CLDN15: variants seen among roughly 807,000 people sequenced by gnomAD.
CLDN15 encodes the protein claudin-15.
A neutral mutation model predicts 24.5 loss-of-function variants in CLDN15; 9 were observed. The observed-to-expected ratio is 0.37, with a 90% confidence interval of 0.22 to 0.64. The LOEUF is 0.64. Ranked by LOEUF, CLDN15 falls within the 30% of genes least tolerant of loss-of-function variation. The pLI, the probability that CLDN15 is intolerant of heterozygous loss-of-function variation, is 0.63. For synonymous variants in CLDN15, 149 were observed against 131.4 expected, an observed-to-expected ratio of 1.13 and a Z score of -0.92; for missense variants, 248 against 305.9, an observed-to-expected ratio of 0.81 and a Z score of 1.41.
In CLDN15 at chr7:101,237,025, CA is replaced by C; in HGVS notation, c.217+339del. On this transcript the variant is annotated intron_variant, in intron 1 of 4. Transcript: ENST00000308344. This position sits in a 1 kb window ranked among gnomAD's most constrained non-coding sequence, Gnocchi z 4.0. ...ATCACGCTAACATTCTGCACTTTCTCAGTCACCTGTGAACTGGGACTCTCAC... is the reference window on the plus strand; with the variant it reads ...ATCACGCTAACATTCTGCACTTTCTCGTCACCTGTGAACTGGGACTCTCAC... 2.4e-6 allele frequency: 1 copy of C among 414,554 alleles called. No homozygotes were observed. Among genetic ancestry groups the C allele is most frequent in the Non-Finnish European group, 4.7e-6 (1 of 213,608 alleles). 25.7% of individuals were successfully genotyped at this position (414,554 alleles called of 1,614,324 possible).
intron 2 of CLDN15, chr7:101,233,919 C>T: frequency 2.5e-6 from 1 of 397,868 alleles, no homozygotes. Context: ...CCACCATGCC[C>T]CGTGGTATGG....
chr7:101,232,693 C>T lies in CLDN15; in HGVS notation c.492G>A (p.Leu164=). ...TKYELGPALY[L]GWSASLISIL... ...TGGAGATCAGTGAGGCGCTCCACCCCAGGTAGAGGGCGGGGCCCAGCTCGT... is the reference window on the plus strand; with the variant it reads ...TGGAGATCAGTGAGGCGCTCCACCCTAGGTAGAGGGCGGGGCCCAGCTCGT... Residue 164 remains leucine (L), a synonymous_variant, in exon 4 of 5, where the codon CTG becomes CTA. Transcript: ENST00000308344. 6.3e-7 allele frequency: 1 copy of T among 1,594,372 alleles called. No homozygotes were observed. The highest frequency in any genetic ancestry group is 8.5e-7 in the Non-Finnish European group (1 of 1,171,036).
upstream of CLDN15, chr7:101,237,989 G>T (rs1222318343): frequency 1.1e-5 from 3 of 276,544 alleles, no homozygotes; most frequent in Non-Finnish European, 2.2e-5. This position sits in a 1 kb window ranked among gnomAD's most constrained non-coding sequence, Gnocchi z 4.0. Context: ...GGGAGGCACT[G>T]GGAACTGAGG....
chr7:101,233,927 T>C (rs187449741), intron 2 of CLDN15: 1 of 426,306 alleles, frequency 2.3e-6, no homozygotes, highest in African/African-American at 2.0e-5. Flanking sequence ...CCCCGTGGTA[T>C]GGCACTGTGG....
intron 1 of CLDN15, 151 bp from the exon 2 acceptor site, chr7:101,234,593 A>G (rs970887206): frequency 4.6e-5 from 28 of 605,222 alleles, no homozygotes; most frequent in Admixed American, 1.1e-4. Flanking sequence ...CGCCCGGCTA[A>G]TTTTTCTGTT....
chr7:101,237,621 G>C lies in CLDN15; in HGVS notation c.-40C>G. 1.3e-6 allele frequency: 2 copies of C among 1,481,760 alleles called. No homozygotes were observed. Among genetic ancestry groups the C allele is most frequent in the South Asian group, 1.1e-5 (1 of 87,902 alleles). 91.8% of individuals were successfully genotyped at this position (1,481,760 alleles called of 1,614,324 possible). A position where few individuals can be genotyped will look rare whatever the true frequency, so the allele number is the denominator to read the frequency against. ...CCCTGGGGGGCTGGTGCCCCAGAGA[G>C]GGGGAGGGGCAGAACCCCTAGGGAA... is the stretch of plus-strand genomic sequence containing the variant. On this transcript the variant is annotated 5_prime_UTR_variant, in exon 1 of 5. Coordinates refer to ENST00000308344, the MANE Select transcript of CLDN15 (RefSeq NM_014343.3). This position sits in a 1 kb window ranked among gnomAD's most constrained non-coding sequence, Gnocchi z 4.0.
Position 101,232,343 on chromosome 7 carries a change from T to C in CLDN15, c.*67A>G. ...GGCCCCTGAGGTTACTATAGGGGAA[T>C]GGGCCCCGGCCAGGTCCCCTCTCCT... On this transcript the variant is annotated 3_prime_UTR_variant, in exon 5 of 5. Coordinates refer to ENST00000308344, the MANE Select transcript of CLDN15 (RefSeq NM_014343.3). The C allele has an allele frequency of 2.5e-6, 3 of 1,183,852 alleles. No individual in the cohort carries two copies. Among genetic ancestry groups the C allele is most frequent in the Non-Finnish European group, 3.7e-6 (3 of 813,078 alleles). 73.3% of individuals were successfully genotyped at this position (1,183,852 alleles called of 1,614,324 possible). A position where few individuals can be genotyped will look rare whatever the true frequency, so the allele number is the denominator to read the frequency against.
rs1467010937 is a variant in CLDN15 at position 101,234,321 on chromosome 7, T to C, written c.339A>G (p.Lys113=). 3.7e-6 allele frequency: 6 copies of C among 1,611,022 alleles called. No individual in the cohort carries two copies. Among genetic ancestry groups the C allele is most frequent in the South Asian group, 1.1e-5 (1 of 91,078 alleles). Residue 113 remains lysine (K), a synonymous_variant, in exon 2 of 5, where the codon AAA becomes AAG. Coordinates refer to ENST00000308344, the MANE Select transcript of CLDN15 (RefSeq NM_014343.3). ...CCCCTGCGGTGGCCGCCAGCTTGGC[T>C]TTCCTGGAGAGCTCCAGGCCCCCAA... The part of the protein sequence containing the change: ...TNIGGLELSR[K]AKLAATAGAL...
In CLDN15 at chr7:101,237,058, C is replaced by T. The variant is rs959757562; in HGVS notation, c.217+307G>A. On this transcript the variant is annotated intron_variant, in intron 1 of 4. Coordinates refer to ENST00000308344, the MANE Select transcript of CLDN15 (RefSeq NM_014343.3). This position sits in a 1 kb window ranked among gnomAD's most constrained non-coding sequence, Gnocchi z 4.0. ...TGTGAACTGGGACTCTCACCCTAAC[C>T]CTACAGGTGGGAGATGAAGCTGGTT... 6.6e-6 allele frequency among the ~76,000 whole-genome samples: 1 copy of T among 152,190 alleles called. No individual in the cohort carries two copies. The highest frequency in any genetic ancestry group is 2.1e-4 in the South Asian group (1 of 4,834).
chr7:101,232,645 G>A lies in CLDN15; in HGVS notation c.540C>T (p.Cys180=). Residue 180 remains cysteine (C), a synonymous_variant, in exon 4 of 5, where the codon TGC becomes TGT. Coordinates refer to ENST00000308344, the MANE Select transcript of CLDN15 (RefSeq NM_014343.3). The part of the protein sequence containing the change: ...LISILGGLCL[C]SACCCGSDED... ...CGTCAGAGCCGCAGCAGCAGGCGGA[G>A]CAGAGGCAGAGGCCACCCAGGATGG... The A allele has an allele frequency of 6.3e-7, 1 of 1,585,470 alleles. No homozygotes were observed. The highest frequency in any genetic ancestry group is 8.6e-7 in the Non-Finnish European group (1 of 1,166,126).
Position 101,237,738 on chromosome 7 carries a change from C to A in CLDN15, c.-157G>T. 1 of 638,620 alleles carries A rather than the reference C, an allele frequency of 1.6e-6. No homozygotes were observed. The highest frequency in any genetic ancestry group is 2.8e-6 in the Non-Finnish European group (1 of 354,952). The allele number at this position is 638,620 out of a possible 1,614,324, so 39.6% of individuals were successfully genotyped here. On this transcript the variant is annotated 5_prime_UTR_variant, in exon 1 of 5. Transcript: ENST00000308344. The surrounding 1 kb of genome is among the most constrained non-coding windows in gnomAD (Gnocchi z 4.0). ...CCTGCCTCTTCCTCGGGCTCAGGTC[C>A]GTCTCCACTTTCTGCCTCCCTCCTG...
chr7:101,234,425 G>T lies in CLDN15; in HGVS notation c.235C>A (p.Arg79=). The part of the protein sequence containing the change: ...LALSGYIQAC[R]ALMITAILLG... ...AGGATGGCGGTGATCATGAGTGCCC[G>T]GCAGGCCTGAATATACCCTGGGGGT... is the stretch of plus-strand genomic sequence containing the variant. Residue 79 remains arginine (R), a synonymous_variant, in exon 2 of 5, where the codon CGG becomes AGG. Transcript: ENST00000308344. 1 of 1,612,622 alleles carries T rather than the reference G, an allele frequency of 6.2e-7. No homozygotes were observed. The highest frequency in any genetic ancestry group is 8.5e-7 in the Non-Finnish European group (1 of 1,179,034).
chr7:101,238,552 C>G (rs186859831), upstream of CLDN15: 3 of 152,272 alleles, frequency 2.0e-5, no homozygotes, highest in Non-Finnish European at 2.9e-5. Flanking sequence ...GCCCCCCACA[C>G]ATAACCAGCG....
chr7:101,237,762 T>C lies in CLDN15; in HGVS notation c.-181A>G. The stretch of plus-strand genomic sequence containing the variant: ...CCGTCTCCACTTTCTGCCTCCCTCC[T>C]GCTCTGTGGGTCTCTCTGCTTCCTG... On this transcript the variant is annotated 5_prime_UTR_variant, in exon 1 of 5. Transcript: ENST00000308344. This position sits in a 1 kb window ranked among gnomAD's most constrained non-coding sequence, Gnocchi z 4.0. The C allele has an allele frequency of 1.6e-6, 1 of 617,692 alleles. No individual in the cohort carries two copies. The highest frequency in any genetic ancestry group is 2.7e-5 in the East Asian group (1 of 36,434). 38.3% of individuals were successfully genotyped at this position (617,692 alleles called of 1,614,324 possible). A position where few individuals can be genotyped will look rare whatever the true frequency, so the allele number is the denominator to read the frequency against.
Position 101,232,334 on chromosome 7 carries a change from A to AT in CLDN15, c.*75dup. 2.8e-6 allele frequency: 3 copies of AT among 1,065,250 alleles called. 1 individual carries two copies. The highest frequency in any genetic ancestry group is 4.2e-6 in the Non-Finnish European group (3 of 712,548). 66.0% of individuals were successfully genotyped at this position (1,065,250 alleles called of 1,614,324 possible). A position where few individuals can be genotyped will look rare whatever the true frequency, so the allele number is the denominator to read the frequency against. On this transcript the variant is annotated 3_prime_UTR_variant, in exon 5 of 5. Coordinates refer to ENST00000308344, the MANE Select transcript of CLDN15 (RefSeq NM_014343.3). ...GGCGTGGCCGGCCCCTGAGGTTACT[A>AT]TAGGGGAATGGGCCCCGGCCAGGTC...
chr7:101,238,816 T>TGCAGAGCACCTGTC (rs1480022929), upstream of CLDN15: 1 of 152,292 alleles, frequency 6.6e-6, no homozygotes, highest in African/African-American at 2.4e-5. Flanking sequence ...CCCGAGCCAG[T>TGCAGAGCACCTGTC]GCAGAGCACC....
chr7:101,236,599 G>C, intron 1 of CLDN15: 2 of 509,802 alleles, frequency 3.9e-6, no homozygotes, highest in Non-Finnish European at 6.4e-6. Context: ...AGACTGCCCC[G>C]GAGAAACAAT....
intron 1 of CLDN15, among the ~76,000 whole-genome samples, chr7:101,234,664 T>C (rs775027271): frequency 8.1e-4 from 123 of 152,126 alleles, no homozygotes; most frequent in Non-Finnish European, 2.9e-4. Context: ...TGACCCCAAA[T>C]GATCTGCTTG....
chr7:101,232,973 C>T, intron 2 of CLDN15, 59 bp from the exon 3 acceptor site: 1 of 1,141,610 alleles, frequency 8.8e-7, no homozygotes, highest in Admixed American at 1.8e-5. Flanking sequence ...GGGGAGGGGG[C>T]TTAGGGGAGA....
Sources: allele counts gnomAD v4.1 joint callset (sites outside exome capture counted in the v4.1 genomes callset), GRCh38; gene constraint gnomAD v4.1.1; non-coding constraint Gnocchi (gnomAD v3.1); transcripts MANE v1.5; gene names NCBI Gene and HGNC (gene_info 2026-07-23, HGNC 2026-07-21).